MAD1L1: variants seen among roughly 807,000 people sequenced by gnomAD.
The protein encoded by MAD1L1 is mitotic arrest deficient 1 like 1.
A neutral mutation model predicts 96.9 loss-of-function variants in MAD1L1; 95 were observed. The observed-to-expected ratio is 0.98, with a 90% CI of 0.83 to 1.16. The LOEUF (loss-of-function observed/expected upper bound fraction) is 1.16. Among genes scored for constraint, MAD1L1 ranks in the 50% most tolerant of loss-of-function variants. MAD1L1 has a pLI of 0.00. For synonymous variants in MAD1L1, 473 were observed against 396.6 expected (o/e 1.19, Z -2.29); for missense variants, 1,007 against 954.4 (o/e 1.06, Z -0.73).
chr7:2,217,898 C>T, intron 7 of MAD1L1, 64 bp downstream of exon 7: 1 of 1,392,750 alleles, frequency 7.2e-7, no homozygotes, highest in South Asian at 1.2e-5. Context: ...GAAAGGCCGA[C>T]AGGGGCAGGA....
intron 18 of MAD1L1, among the ~76,000 whole-genome samples, chr7:1,894,503 T>C (rs1290013375): frequency 5.3e-5 from 8 of 152,322 alleles, no homozygotes; most frequent in African/African-American, 1.7e-4. Context: ...GTGGCACTTA[T>C]GAGACTTGCC....
In MAD1L1 at chr7:2,119,272, C is replaced by T. The variant is rs1787862062; in HGVS notation, c.1073+29880G>A. On this transcript the variant is annotated intron_variant, in intron 11 of 18. Coordinates refer to ENST00000265854, the MANE Select transcript of MAD1L1 (RefSeq NM_001013836.2). The surrounding 1 kb of genome is among the most constrained non-coding windows in gnomAD (Gnocchi z 4.6). The stretch of plus-strand genomic sequence containing the variant: ...ACAAGTGACCAAAGGAGTGCCCCGC[C>T]CCTGGTTCACAGACATGAGAAGCTC... Among the ~76,000 whole-genome samples, 2 of 152,192 alleles carry T rather than the reference C, an allele frequency of 1.3e-5. No homozygotes were observed. The highest frequency in any genetic ancestry group is 4.1e-4 in the South Asian group (2 of 4,820).
intron 18 of MAD1L1, among the ~76,000 whole-genome samples, chr7:1,892,909 T>C (rs1271141699): frequency 6.6e-6 from 1 of 152,220 alleles, no homozygotes; most frequent in African/African-American, 2.4e-5. Flanking sequence ...CACTTCTTCT[T>C]ACCACTGATT....
intron 11 of MAD1L1, among the ~76,000 whole-genome samples, chr7:2,134,496 T>G (rs776607992): frequency 1.3e-5 from 2 of 152,224 alleles, no homozygotes; most frequent in Non-Finnish European, 2.9e-5. Context: ...AGCTAGTACT[T>G]CCAGTACGAC....
At chr7:2,172,634 C>T (rs1462743177) in intron 10 of MAD1L1, among the ~76,000 whole-genome samples, 1 of 152,226 alleles carries the variant, frequency 6.6e-6, no homozygotes, top group Non-Finnish European at 1.5e-5. Flanking sequence ...CCAGCAGCAT[C>T]CAGCAAAGCC....
chr7:1,846,986 C>T (rs1026945423), intron 18 of MAD1L1: 9 of 327,062 alleles, frequency 2.8e-5, no homozygotes, highest in African/African-American at 1.7e-4. Context: ...GATGGCTCCG[C>T]GTTTTCATTG....
intron 12 of MAD1L1, among the ~76,000 whole-genome samples, chr7:2,022,071 T>C (rs1232983027): frequency 6.6e-6 from 1 of 152,122 alleles, no homozygotes; most frequent in Non-Finnish European, 1.5e-5. Context: ...TCCTCCCACC[T>C]CAGCCTCCCA....
chr7:2,165,081 G>C (rs1308164729), intron 10 of MAD1L1, among the ~76,000 whole-genome samples: 2 of 152,176 alleles, frequency 1.3e-5, no homozygotes, highest in Non-Finnish European at 2.9e-5. Context: ...GCTCACGCCT[G>C]TCATCCCAGC....
chr7:1,987,164 G>A (rs1781188925), intron 14 of MAD1L1, among the ~76,000 whole-genome samples: 1 of 152,160 alleles, frequency 6.6e-6, no homozygotes, highest in African/African-American at 2.4e-5. Flanking sequence ...AGCTGGAAGT[G>A]CCCACCCCCA....
At chr7:2,013,682 G>A (rs916365683) in intron 13 of MAD1L1, among the ~76,000 whole-genome samples, 3 of 152,276 alleles carry the variant, frequency 2.0e-5, no homozygotes, top group African/African-American at 4.8e-5. Flanking sequence ...ACGCCCAGGC[G>A]GGGCTGCACT....
At chr7:1,881,973 C>G (rs759235075) in intron 18 of MAD1L1, among the ~76,000 whole-genome samples, 4 of 152,202 alleles carry the variant, frequency 2.6e-5, no homozygotes, top group Non-Finnish European at 5.9e-5. Flanking sequence ...CAGGCTTGCC[C>G]GTGTCCTTGG....
At chr7:2,089,395 G>C (rs1369892208) in intron 11 of MAD1L1, 3 of 161,290 alleles carry the variant, frequency 1.9e-5, no homozygotes, top group African/African-American at 7.2e-5. Flanking sequence ...TTCCACTTTT[G>C]CTTCTTCCTC....
intron 18 of MAD1L1, among the ~76,000 whole-genome samples, chr7:1,897,019 A>G (rs1786918394): frequency 6.6e-6 from 1 of 152,250 alleles, no homozygotes; most frequent in Non-Finnish European, 1.5e-5. Flanking sequence ...AAGGTTTGAG[A>G]GTTTCAAGAG....
chr7:2,147,294 G>A (rs538750510), intron 11 of MAD1L1, among the ~76,000 whole-genome samples: 126 of 152,276 alleles, frequency 8.3e-4, no homozygotes, highest in African/African-American at 2.7e-3. Context: ...CCAACCTCAC[G>A]CCCAGAGGCC....
At chr7:2,168,924 G>A (rs1348888128) in intron 10 of MAD1L1, among the ~76,000 whole-genome samples, 1 of 152,244 alleles carries the variant, frequency 6.6e-6, no homozygotes, top group Non-Finnish European at 1.5e-5. Flanking sequence ...CAGGGATGGC[G>A]GCTGAAGCGG....
intron 10 of MAD1L1, among the ~76,000 whole-genome samples, chr7:2,162,805 AAC>A (rs1689580587): frequency 7.2e-6 from 1 of 139,604 alleles, no homozygotes. Flanking sequence ...AAAACAGAAA[AAC>A]ACACAATTAT....
intron 11 of MAD1L1, among the ~76,000 whole-genome samples, chr7:2,094,988 A>C (rs1305024400): frequency 6.6e-6 from 1 of 152,216 alleles, no homozygotes; most frequent in Non-Finnish European, 1.5e-5. Flanking sequence ...AACATGAGCA[A>C]AATGAAGTTT....
chr7:1,950,936 C>T (rs1468372101), intron 16 of MAD1L1, among the ~76,000 whole-genome samples: 1 of 152,272 alleles, frequency 6.6e-6, no homozygotes, highest in African/African-American at 2.4e-5. Flanking sequence ...GTGGTCAGTG[C>T]ACAGGGCACC....
rs146496198 is a variant in MAD1L1, at chr7:1,822,727, ATTTTTTT to A, written c.1999-6506_1999-6500del. ...GCGTGAGCCACCATGCCCGGCCAGC[ATTTTTTT>A]TTTTTTTTTTTGGTAGAGAGACACA... On this transcript the variant is annotated intron_variant, in intron 18 of 18. Transcript: ENST00000265854. Among the ~76,000 whole-genome samples the A allele has an allele frequency of 3.2e-3, 436 of 134,558 alleles. 13 individuals carry two copies. Among genetic ancestry groups the A allele is most frequent in the Non-Finnish European group, 1.2e-3 (75 of 62,658 alleles). 88.3% of individuals were successfully genotyped at this position (134,558 alleles called of 152,430 possible). A position where few individuals can be genotyped will look rare whatever the true frequency, so the allele number is the denominator to read the frequency against.
Sources: gnomAD v4.1 joint callset for allele counts (sites outside exome capture counted in the v4.1 genomes callset) on GRCh38, gnomAD v4.1.1 for gene constraint, Gnocchi (gnomAD v3.1) non-coding constraint, MANE v1.5 for transcripts, NCBI Gene and HGNC (gene_info 2026-07-23, HGNC 2026-07-21) for gene names.